Variants in GMDS observed in about 807,000 individuals in gnomAD.
GMDS encodes GDP-mannose 4,6 dehydratase.
In GMDS, 20 loss-of-function variants were observed where a neutral mutation model predicts 49.9. The ratio of observed to expected loss-of-function variants is 0.40; its 90% confidence interval spans 0.28 to 0.58. GMDS has a LOEUF of 0.58. GMDS is among the 20% of genes least tolerant of loss of function. The probability of loss-of-function intolerance (pLI) is 0.42; values close to 1 mark genes in which losing one functional copy is unlikely to be tolerated. For synonymous variants in GMDS, 177 were observed against 178.6 expected, an observed-to-expected ratio of 0.99 and a Z score of 0.07; for missense variants, 362 against 481.4, an observed-to-expected ratio of 0.75 and a Z score of 2.32.
intron 9 of GMDS, among the ~76,000 whole-genome samples, chr6:1,666,225 G>C (rs1764232861): frequency 6.6e-6 from 1 of 152,166 alleles, no homozygotes; most frequent in Non-Finnish European, 1.5e-5. Context: ...CTAGAGACGG[G>C]AGTCCTGCTC....
At chr6:1,747,715 G>A (rs1767565984) in intron 7 of GMDS, among the ~76,000 whole-genome samples, 1 of 152,162 alleles carries the variant, frequency 6.6e-6, no homozygotes, top group Non-Finnish European at 1.5e-5. Context: ...ACCTCCAGTA[G>A]TTTTGTGGTC....
At chr6:2,085,435 T>C (rs987013744) in intron 4 of GMDS, among the ~76,000 whole-genome samples, 16 of 152,244 alleles carry the variant, frequency 1.1e-4, no homozygotes, top group African/African-American at 2.9e-4. Context: ...TTATTCTTAA[T>C]TGTCTGTGCA....
chr6:1,624,580 T>G lies in GMDS; in HGVS notation c.988-40A>C, dbSNP rs373316519. On this transcript the variant is annotated intron_variant, in intron 9 of 10. Transcript: ENST00000380815. Reference sequence around the variant, plus strand: ...GGGGAGACGAAGCAGGCGTGGGTCGTGGGGGTGGGGGCAGCAGGTCCCGAG... The same window carrying G: ...GGGGAGACGAAGCAGGCGTGGGTCGGGGGGGTGGGGGCAGCAGGTCCCGAG... The G allele has an allele frequency of 1.7e-3, 2,329 of 1,395,662 alleles. 10 individuals are homozygous for G. Among genetic ancestry groups the G allele is most frequent in the Middle Eastern group, 7.6e-3 (42 of 5,556 alleles). 86.5% of individuals were successfully genotyped at this position (1,395,662 alleles called of 1,614,324 possible). A position where few individuals can be genotyped will look rare whatever the true frequency, so the allele number is the denominator to read the frequency against.
At chr6:1,645,474 G>A (rs1022785776) in intron 9 of GMDS, among the ~76,000 whole-genome samples, 2 of 152,206 alleles carry the variant, frequency 1.3e-5, no homozygotes, top group Non-Finnish European at 2.9e-5. Context: ...CGGCATGCTC[G>A]AGTGCCCGGG....
At chr6:2,220,704 C>T (rs561791253) in intron 1 of GMDS, among the ~76,000 whole-genome samples, 1 of 152,070 alleles carries the variant, frequency 6.6e-6, no homozygotes, top group East Asian at 1.9e-4. Flanking sequence ...CATGTTTAAA[C>T]TTGGGTCCCA....
intron 1 of GMDS, among the ~76,000 whole-genome samples, chr6:2,198,693 C>T (rs746816919): frequency 1.3e-5 from 2 of 152,096 alleles, no homozygotes; most frequent in Non-Finnish European, 2.9e-5. Context: ...CTGTGCGAAA[C>T]TGGAAAATAT....
At chr6:2,017,195 A>G (rs1382842025) in intron 4 of GMDS, among the ~76,000 whole-genome samples, 1 of 152,150 alleles carries the variant, frequency 6.6e-6, no homozygotes, top group African/African-American at 2.4e-5. Flanking sequence ...GGAGGAGAGG[A>G]GCGTGGACAC....
chr6:1,827,813 A>T (rs561757643), intron 7 of GMDS, among the ~76,000 whole-genome samples: 3 of 152,162 alleles, frequency 2.0e-5, no homozygotes, highest in Admixed American at 6.5e-5. Flanking sequence ...CCCACAGGAA[A>T]TGCTAGGGAA....
intron 7 of GMDS, among the ~76,000 whole-genome samples, chr6:1,859,576 G>A (rs143029420): frequency 6.6e-6 from 1 of 152,218 alleles, no homozygotes; most frequent in Non-Finnish European, 1.5e-5. Flanking sequence ...TTGAGCCAAC[G>A]AGAAAGAATC....
chr6:2,235,241 C>T (rs1781303818), intron 1 of GMDS, among the ~76,000 whole-genome samples: 1 of 152,228 alleles, frequency 6.6e-6, no homozygotes, highest in East Asian at 1.9e-4. Flanking sequence ...TATTCTTCTT[C>T]AGGGCTGGAA....
chr6:1,717,133 GC>G (rs1766204282), intron 9 of GMDS, among the ~76,000 whole-genome samples: 1 of 152,206 alleles, frequency 6.6e-6, no homozygotes. Context: ...AAGGAAGGTG[GC>G]TTTGCCAGCA....
intron 4 of GMDS, among the ~76,000 whole-genome samples, chr6:2,069,443 T>C (rs571243695): frequency 0.023 from 3,482 of 152,000 alleles, 119 homozygotes; most frequent in African/African-American, 0.078. Flanking sequence ...AAAGAGCTTC[T>C]GCACAGCAAA....
chr6:2,149,399 T>C (rs1315152210), intron 1 of GMDS, among the ~76,000 whole-genome samples: 2 of 152,192 alleles, frequency 1.3e-5, no homozygotes, highest in African/African-American at 2.4e-5. Context: ...CTGGAAATCC[T>C]GGGTGGACAA....
At chr6:1,924,618 T>C (rs1036081941) in intron 7 of GMDS, among the ~76,000 whole-genome samples, 1 of 152,186 alleles carries the variant, frequency 6.6e-6, no homozygotes, top group Non-Finnish European at 1.5e-5. Flanking sequence ...ATTGGGACCA[T>C]ATACTGCCAT....
chr6:2,126,981 T>C (rs781000238), intron 1 of GMDS, among the ~76,000 whole-genome samples: 1 of 152,194 alleles, frequency 6.6e-6, no homozygotes. Flanking sequence ...AATATTCTAG[T>C]TTATAGATTC....
chr6:1,771,472 G>A (rs558867944), intron 7 of GMDS, among the ~76,000 whole-genome samples: 1 of 152,320 alleles, frequency 6.6e-6, no homozygotes, highest in South Asian at 2.1e-4. Context: ...AAGAAAAGGA[G>A]TGTGAAGTGC....
At chr6:1,863,254 G>C (rs1758278563) in intron 7 of GMDS, among the ~76,000 whole-genome samples, 5 of 152,032 alleles carry the variant, frequency 3.3e-5, no homozygotes, top group Non-Finnish European at 7.4e-5. Context: ...TCTTTCACAT[G>C]TTTAGGAAAA....
At chr6:1,959,726 C>T (rs1763834389) in intron 6 of GMDS, 141 bp downstream of exon 6, 2 of 425,664 alleles carry the variant, frequency 4.7e-6, no homozygotes, top group Non-Finnish European at 8.5e-6. Flanking sequence ...TACATTTCTT[C>T]ATTTGCTGCT....
intron 9 of GMDS, among the ~76,000 whole-genome samples, chr6:1,649,161 C>T (rs1581408287): frequency 6.6e-6 from 1 of 152,226 alleles, no homozygotes; most frequent in African/African-American, 2.4e-5. Flanking sequence ...TTAACCCTGT[C>T]TAGCCACTGG....
Sources: gnomAD v4.1 joint callset for allele counts (sites outside exome capture counted in the v4.1 genomes callset) on GRCh38, gnomAD v4.1.1 for gene constraint, MANE v1.5 for transcripts, NCBI Gene and HGNC (gene_info 2026-07-23, HGNC 2026-07-21) for gene names.